The following FANCL variants were observed in gnomAD, a reference collection of about 807,000 sequenced individuals.
The protein encoded by FANCL is FA complementation group L.
Under a neutral mutation model 59.4 loss-of-function variants are expected in FANCL, and 69 were observed. The observed-to-expected ratio is 1.16, with a 90% CI of 0.96 to 1.42. The LOEUF is 1.42. FANCL is among the 40% of genes most tolerant of loss of function. The pLI is 0.00. For missense variants in FANCL, 519 were observed against 447.2 expected (o/e 1.16, Z -1.45); for synonymous variants, 180 against 147.1 (o/e 1.22, Z -1.62).
At chr2:58,209,187 T>C (rs1036987229) in intron 5 of FANCL, among the ~76,000 whole-genome samples, 2 of 152,214 alleles carry the variant, frequency 1.3e-5, no homozygotes, top group Non-Finnish European at 2.9e-5. Context: ...ATAAACTTTT[T>C]AATAAGGAAT....
At position 58,229,840 on chromosome 2, in the gene FANCL, T is replaced by C. The variant is rs779718489; in HGVS notation, c.190A>G (p.Ser64Gly). 2 of 1,611,142 alleles carry C rather than the reference T, an allele frequency of 1.2e-6. No homozygotes were observed. The highest frequency in any genetic ancestry group is 1.7e-6 in the Non-Finnish European group (2 of 1,177,424). Residue 64 changes from serine to glycine, a missense_variant, in exon 3 of 14, where the codon AGT (serine) becomes GGT (glycine). Transcript: ENST00000233741. ...LCSWQLRTIL[S>G]GYHRIVQQRM... ...TGTTGTACTATTCGATGGTATCCAC[T>C]AAGTATTGTTCTCAGCTGCCAACTA... is the stretch of plus-strand genomic sequence containing the variant.
chr2:58,179,317 T>C (rs1358833880), intron 7 of FANCL, among the ~76,000 whole-genome samples: 1 of 152,172 alleles, frequency 6.6e-6, no homozygotes, highest in Admixed American at 6.5e-5. Context: ...AGCATCATGC[T>C]ACCTGACTTC....
intron 1 of FANCL, among the ~76,000 whole-genome samples, chr2:58,234,516 C>A (rs376885541): frequency 6.7e-6 from 1 of 150,356 alleles, no homozygotes; most frequent in South Asian, 2.1e-4. Flanking sequence ...GAACACAGAC[C>A]CAAAAAAGTC....
Position 58,165,882 on chromosome 2 carries a change from A to T in FANCL, c.541-8T>A. 1 of 1,613,746 alleles carries T rather than the reference A, an allele frequency of 6.2e-7. No homozygotes were observed. Among genetic ancestry groups the T allele is most frequent in the South Asian group, 1.1e-5 (1 of 91,072 alleles). On this transcript the variant is annotated splice_polypyrimidine_tract_variant and splice_region_variant and intron_variant, in intron 7 of 13. Transcript: ENST00000233741. ...AATGCTTATTAAGGAGCTCTGTGAA[A>T]AAAATGAAAGTTGAATAAGTTATAT...
intron 1 of FANCL, among the ~76,000 whole-genome samples, chr2:58,237,596 G>T (rs1694138767): frequency 1.3e-5 from 2 of 151,458 alleles, no homozygotes; most frequent in South Asian, 4.2e-4. Flanking sequence ...AAAAATAATA[G>T]AAAAAAATTG....
chr2:58,207,964 CAGA>C (rs1439866801), intron 5 of FANCL, among the ~76,000 whole-genome samples: 1 of 152,128 alleles, frequency 6.6e-6, no homozygotes, highest in Non-Finnish European at 1.5e-5. Flanking sequence ...GAAACTGAGG[CAGA>C]AGGTTTGCTT....
chr2:58,171,780 G>A (rs1344206848), intron 7 of FANCL, among the ~76,000 whole-genome samples: 2 of 152,228 alleles, frequency 1.3e-5, no homozygotes, highest in Non-Finnish European at 1.5e-5. Flanking sequence ...AGTGCACCAT[G>A]CGCGAGCAGA....
At chr2:58,180,932 G>C (rs1687880307) in intron 7 of FANCL, among the ~76,000 whole-genome samples, 1 of 151,922 alleles carries the variant, frequency 6.6e-6, no homozygotes, top group Non-Finnish European at 1.5e-5. Flanking sequence ...TGTTAATAAG[G>C]ACACAAAGCA....
chr2:58,211,180 T>G (rs564581763), intron 5 of FANCL, among the ~76,000 whole-genome samples: 3 of 152,356 alleles, frequency 2.0e-5, no homozygotes, highest in African/African-American at 7.2e-5. Flanking sequence ...CATCCAGGAA[T>G]TTCCATACAT....
At chr2:58,179,514 G>A (rs1687708728) in intron 7 of FANCL, among the ~76,000 whole-genome samples, 1 of 152,104 alleles carries the variant, frequency 6.6e-6, no homozygotes, top group African/African-American at 2.4e-5. Flanking sequence ...AACGGTGTTG[G>A]GAAAACTGGC....
chr2:58,179,062 AC>A (rs1390204680), intron 7 of FANCL, among the ~76,000 whole-genome samples: 2 of 152,182 alleles, frequency 1.3e-5, no homozygotes, highest in African/African-American at 4.8e-5. Context: ...ACTACAAACC[AC>A]TGCTCAAGGA....
chr2:58,193,779 C>A (rs1057239556), intron 7 of FANCL, among the ~76,000 whole-genome samples: 2 of 152,106 alleles, frequency 1.3e-5, no homozygotes, highest in African/African-American at 4.8e-5. Context: ...TGCCCCAACA[C>A]TGTGTTTGTT....
Position 58,195,577 on chromosome 2 carries a change from G to A in FANCL, c.540+3017C>T, listed in dbSNP as rs548175196. On this transcript the variant is annotated intron_variant, in intron 7 of 13. Transcript: ENST00000233741. ...AAACCACAAGAGAAGGATGTGACCA[G>A]ACTGAAAGTTAAACTCTGTATGACA... Among the ~76,000 whole-genome samples the A allele has an allele frequency of 2.6e-4, 39 of 152,066 alleles. 1 individual carries two copies. In the South Asian group the frequency reaches 7.7e-3, roughly 30 times the overall value.
intron 7 of FANCL, among the ~76,000 whole-genome samples, chr2:58,168,610 C>T (rs1399964859): frequency 6.6e-6 from 1 of 152,060 alleles, no homozygotes; most frequent in African/African-American, 2.4e-5. Context: ...ACTATTCACT[C>T]CCCTAGAAAG....
chr2:58,228,917 A>G (rs1558822115), intron 3 of FANCL, among the ~76,000 whole-genome samples: 2 of 152,186 alleles, frequency 1.3e-5, no homozygotes, highest in African/African-American at 2.4e-5. Context: ...CAACAGATGC[A>G]TTTCTTAAAT....
chr2:58,241,172 G>A, intron 1 of FANCL, 46 bp downstream of exon 1: 1 of 1,597,138 alleles, frequency 6.3e-7, no homozygotes, highest in Non-Finnish European at 8.6e-7. Flanking sequence ...GCGCAGCTAC[G>A]CTGCAAGAGG....
chr2:58,160,314 G>T lies in FANCL; in HGVS notation c.1021-135C>A, dbSNP rs1261823013. 3 of 846,058 alleles carry T rather than the reference G, an allele frequency of 3.5e-6. No individual in the cohort carries two copies. In the East Asian group the frequency reaches 7.8e-5, roughly 22 times the overall value. 52.4% of individuals were successfully genotyped at this position (846,058 alleles called of 1,614,324 possible). On this transcript the variant is annotated intron_variant, in intron 12 of 13. Coordinates refer to ENST00000233741, the MANE Select transcript of FANCL (RefSeq NM_018062.4). ...CTTAGCTTAATTTTGTTTTGCAAGA[G>T]TAAGGGATGTATTTCCTGAGCCAAT...
intron 4 of FANCL, among the ~76,000 whole-genome samples, chr2:58,223,007 A>AT (rs3836120): frequency 0.052 from 7,943 of 151,382 alleles, 306 homozygotes; most frequent in African/African-American, 0.099. Context: ...GTATATATCA[A>AT]TTTTTTTTAA....
chr2:58,166,520 T>C (rs957211248), intron 7 of FANCL, among the ~76,000 whole-genome samples: 4 of 152,210 alleles, frequency 2.6e-5, no homozygotes, highest in Admixed American at 1.3e-4. Flanking sequence ...TTTCACTAAA[T>C]AATAAGTAAT....
Sources: allele counts gnomAD v4.1 joint callset (sites outside exome capture counted in the v4.1 genomes callset), GRCh38; gene constraint gnomAD v4.1.1; transcripts MANE v1.5; gene names NCBI Gene and HGNC (gene_info 2026-07-23, HGNC 2026-07-21).